The following ZNF625 variants were observed in gnomAD, a reference collection of about 807,000 sequenced individuals.
ZNF625 encodes zinc finger protein 625.
Under a neutral mutation model 11.1 loss-of-function variants are expected in ZNF625, and 8 were observed. The observed-to-expected ratio is 0.72, with a 90% CI of 0.42 to 1.30. The LOEUF (loss-of-function observed/expected upper bound fraction) is 1.30. Among genes scored for constraint, ZNF625 ranks in the 50% most tolerant of loss-of-function variants. The pLI is 0.01. For synonymous variants in ZNF625, 145 were observed against 153.4 expected, an observed-to-expected ratio of 0.95 and a Z score of 0.41; for missense variants, 349 against 447.6, an observed-to-expected ratio of 0.78 and a Z score of 1.99.
chr19:12,145,399 G>A lies in ZNF625; in HGVS notation c.1017C>T (p.Ala339=), dbSNP rs1283781951. 1 of 1,614,158 alleles carries A rather than the reference G, an allele frequency of 6.2e-7. No individual in the cohort carries two copies. Among genetic ancestry groups the A allele is most frequent in the Admixed American group, 1.7e-5 (1 of 59,996 alleles). The part of the protein sequence containing the change: ...KPYECKQCGK[A]FGCASSVKIH... ...TTTTAACGCTCGAGGCACATCCAAA[G>A]GCTTTACCACATTGTTTACATTCAT... Residue 339 remains alanine (A), a synonymous_variant, in exon 4 of 4, where the codon GCC becomes GCT. Coordinates refer to ENST00000439556, the MANE Select transcript of ZNF625 (RefSeq NM_145233.4).
At position 12,147,813 on chromosome 19, in the gene ZNF625, C is replaced by G. The variant is rs766099787; in HGVS notation, c.4-11G>C. The stretch of plus-strand genomic sequence containing the variant: ...AAAGACCACTGAATCCTGAAACATC[C>G]CACATGTGTAAAGAAACATGGGTGA... On this transcript the variant is annotated splice_polypyrimidine_tract_variant and intron_variant, in intron 1 of 3. Transcript: ENST00000439556. The G allele has an allele frequency of 5.6e-6, 9 of 1,613,196 alleles. No individual in the cohort carries two copies. The South Asian group carries it at 9.9e-5, about 18-fold the overall frequency.
At chr19:12,150,705 A>C (rs1976942738) in intron 1 of ZNF625, among the ~76,000 whole-genome samples, 1 of 152,124 alleles carries the variant, frequency 6.6e-6, no homozygotes, top group African/African-American at 2.4e-5. Flanking sequence ...TTAGACTTGA[A>C]ACCCTGCTTC....
At chr19:12,156,520 TC>T (rs1264441741) in intron 1 of ZNF625, 35 bp downstream of exon 1, 8 of 1,416,360 alleles carry the variant, frequency 5.6e-6, no homozygotes, top group East Asian at 5.6e-5. Context: ...TCCCGGCCCC[TC>T]CCCCGTCTCG....
chr19:12,147,754 A>C lies in ZNF625; in HGVS notation c.52T>G (p.Trp18Gly). 1 of 1,613,966 alleles carries C rather than the reference A, an allele frequency of 6.2e-7. No individual in the cohort carries two copies. The highest frequency in any genetic ancestry group is 8.5e-7 in the Non-Finnish European group (1 of 1,180,008). Reference protein sequence around the residue: ...DVDVNFTQEEWALLDPSQKNL... With the variant: ...DVDVNFTQEEGALLDPSQKNL... ...TTCTGGGAAGGATCCAGCAAAGCCC[A>C]CTCCTCCTGGGTGAAGTTCACATCT... is the stretch of plus-strand genomic sequence containing the variant. Residue 18 changes from tryptophan (W) to glycine (G), a missense_variant, in exon 2 of 4, where the codon TGG becomes GGG. Transcript: ENST00000439556.
chr19:12,145,953 A>C lies in ZNF625; in HGVS notation c.463T>G (p.Trp155Gly). The C allele has an allele frequency of 6.2e-7, 1 of 1,614,178 alleles. No homozygotes were observed. ...TAAGGTTTCCCCCCAGTGTGAGCCC[A>C]TTCATGTGTTCGAAAGTAGGGGAGA... ...SDLPYFRTHE[W>G]AHTGGKPYDC... The change falls in exon 4 of 4, where the codon TGG (tryptophan) becomes GGG (glycine). Residue 155 changes from tryptophan to glycine, a missense_variant. By Grantham distance (184) the Trp-to-Gly change is radical. Transcript: ENST00000439556.
chr19:12,151,806 C>G (rs902264431), intron 1 of ZNF625, among the ~76,000 whole-genome samples: 1 of 152,078 alleles, frequency 6.6e-6, no homozygotes, highest in African/African-American at 2.4e-5. Context: ...GAACCACTAA[C>G]CTTGACCATA....
intron 1 of ZNF625, 31 bp from the exon 2 acceptor site, chr19:12,147,833 G>A: frequency 1.2e-6 from 2 of 1,611,444 alleles, no homozygotes; most frequent in Non-Finnish European, 1.7e-6. Context: ...AAAGAAACAT[G>A]GGTGAGACTG....
chr19:12,146,362 A>G, intron 3 of ZNF625, 138 bp from the exon 4 acceptor site: 1 of 751,346 alleles, frequency 1.3e-6, no homozygotes. Flanking sequence ...TGAACAGACC[A>G]CACATGCTCT....
intron 1 of ZNF625, among the ~76,000 whole-genome samples, chr19:12,149,802 C>T (rs1028588113): frequency 6.6e-5 from 10 of 151,800 alleles, no homozygotes; most frequent in South Asian, 2.1e-4. Flanking sequence ...TGCAATGGCG[C>T]GCTCTTGGCT....
Position 12,146,149 on chromosome 19 carries a change from A to T in ZNF625, c.267T>A (p.Asp89Glu), listed in dbSNP as rs201828482. 3.1e-6 allele frequency: 5 copies of T among 1,614,188 alleles called. No homozygotes were observed. The highest frequency in any genetic ancestry group is 1.7e-5 in the Admixed American group (1 of 60,016). The change falls in exon 4 of 4, where the codon GAT becomes GAA. Residue 89 changes from aspartate to glutamate, a missense_variant. Physicochemically the swap from Asp to Glu is conservative, Grantham distance 45. Coordinates refer to ENST00000439556, the MANE Select transcript of ZNF625 (RefSeq NM_145233.4). Reference sequence around the variant, plus strand: ...GGGGAGTTTTCTTCTTCAGCATGTCATCTGGAACCTGGGTCAAAATTTCTC... The same window carrying T: ...GGGGAGTTTTCTTCTTCAGCATGTCTTCTGGAACCTGGGTCAAAATTTCTC... Reference protein sequence around the residue: ...QHGEILTQVPDDMLKKKTPRV... With the variant: ...QHGEILTQVPEDMLKKKTPRV...
chr19:12,150,223 G>C (rs1019602767), intron 1 of ZNF625, among the ~76,000 whole-genome samples: 1 of 152,148 alleles, frequency 6.6e-6, no homozygotes, highest in Non-Finnish European at 1.5e-5. Flanking sequence ...TGAAGATGTC[G>C]ATTAGAGAGG....
chr19:12,148,477 C>T (rs1210870336), intron 1 of ZNF625, among the ~76,000 whole-genome samples: 1 of 152,048 alleles, frequency 6.6e-6, no homozygotes, highest in Non-Finnish European at 1.5e-5. Flanking sequence ...AAATATTTAT[C>T]AAATGTAAAA....
chr19:12,149,662 G>A lies in ZNF625; in HGVS notation c.4-1860C>T, dbSNP rs1976928066. The stretch of plus-strand genomic sequence containing the variant: ...ATTAAAAGGTGGGCAAAGTATTTCA[G>A]TGACGTTTCTCAAAGATACATACAA... On this transcript the variant is annotated intron_variant, in intron 1 of 3. Transcript: ENST00000439556. Among the ~76,000 whole-genome samples, 3 of 151,986 alleles carry A rather than the reference G, an allele frequency of 2.0e-5. No individual in the cohort carries two copies. The South Asian group carries it at 6.3e-4, about 32-fold the overall frequency.
intron 1 of ZNF625, among the ~76,000 whole-genome samples, chr19:12,156,307 G>A (rs888770997): frequency 2.6e-5 from 4 of 152,206 alleles, no homozygotes; most frequent in African/African-American, 9.6e-5. Context: ...CCCCAGAGAG[G>A]GCTCCGGGGC....
intron 3 of ZNF625, among the ~76,000 whole-genome samples, chr19:12,146,538 G>A (rs1022378251): frequency 3.3e-5 from 5 of 152,012 alleles, no homozygotes; most frequent in African/African-American, 1.2e-4. Context: ...ATCTGAAGCC[G>A]TCCTGCCACT....
In ZNF625 at chr19:12,145,907, T is replaced by C. The variant is rs1481009549; in HGVS notation, c.509A>G (p.Lys170Arg). The C allele has an allele frequency of 3.1e-6, 5 of 1,614,050 alleles. No homozygotes were observed. The highest frequency in any genetic ancestry group is 2.2e-5 in the South Asian group (2 of 91,092). ...GKPYDCEECG[K>R]SFISRSSIRR... ...AATGCTTGAACGGGAAATAAAGCTT[T>C]TTCCACATTCCTCACAATCATAAGG... Residue 170 changes from lysine (K) to arginine (R), a missense_variant, in exon 4 of 4, where the codon AAA (lysine) becomes AGA (arginine). By Grantham distance (26) the Lys-to-Arg change is conservative (BLOSUM62 2). Coordinates refer to ENST00000439556, the MANE Select transcript of ZNF625 (RefSeq NM_145233.4).
intron 1 of ZNF625, among the ~76,000 whole-genome samples, chr19:12,148,257 G>A (rs1976905001): frequency 1.3e-5 from 2 of 152,204 alleles, no homozygotes; most frequent in South Asian, 4.1e-4. Context: ...TGGGATTACA[G>A]GCATGAGCCA....
At chr19:12,152,402 A>T (rs1024232784) in intron 1 of ZNF625, among the ~76,000 whole-genome samples, 2 of 152,214 alleles carry the variant, frequency 1.3e-5, no homozygotes, top group African/African-American at 4.8e-5. Flanking sequence ...ATGAAGTGGC[A>T]TTCAATTCAG....
In ZNF625 at chr19:12,145,663, C is replaced by G. The variant is rs772739460; in HGVS notation, c.753G>C (p.Glu251Asp). 1 of 1,613,226 alleles carries G rather than the reference C, an allele frequency of 6.2e-7. No individual in the cohort carries two copies. The change falls in exon 4 of 4, where the codon GAG (glutamate) becomes GAC (aspartate). Residue 251 changes from glutamate to aspartate, a missense_variant. Glu to Asp is a conservative substitution (Grantham distance 45, BLOSUM62 2). Coordinates refer to ENST00000439556, the MANE Select transcript of ZNF625 (RefSeq NM_145233.4). Reference protein sequence around the residue: ...HTGEKPYECSECGKAFHSSTC... With the variant: ...HTGEKPYECSDCGKAFHSSTC... ...TGGAACTATGGAATGCTTTCCCACA[C>G]TCACTGCATTCATAAGGCTTCTCTC...
Sources: allele counts gnomAD v4.1 joint callset (sites outside exome capture counted in the v4.1 genomes callset), GRCh38; gene constraint gnomAD v4.1.1; transcripts MANE v1.5; gene names NCBI Gene and HGNC (gene_info 2026-07-23, HGNC 2026-07-21).